Variants in C10orf143 observed in about 807,000 individuals in gnomAD.
The protein encoded by C10orf143 is chromosome 10 open reading frame 143.
At chr10:130,046,257 G>C (rs1309224955) in intron 3 of C10orf143, among the ~76,000 whole-genome samples, 1 of 152,014 alleles carries the variant, frequency 6.6e-6, no homozygotes, top group South Asian at 2.1e-4. Flanking sequence ...CACGAGGGAC[G>C]GGACGCGGGG....
In C10orf143 at chr10:130,056,909, TAC is replaced by T. The variant is rs1438239732; in HGVS notation, c.298-20941_298-20940del. Among the ~76,000 whole-genome samples, 4 of 151,036 alleles carry T rather than the reference TAC, an allele frequency of 2.6e-5. No individual in the cohort carries two copies. In the South Asian group the frequency reaches 8.4e-4, roughly 32 times the overall value. On this transcript the variant is annotated intron_variant and NMD_transcript_variant, in intron 3 of 5. Transcript: ENST00000643056. The surrounding 1 kb of genome is among the most constrained non-coding windows in gnomAD (Gnocchi z 4.6). ...CCCGGCCAGTTGCTTTCATTTTTTA[TAC>T]AGAGTCTCACTGTGTCTCCCAGGCT...
chr10:130,075,257 G>A (rs1430128056), intron 3 of C10orf143, among the ~76,000 whole-genome samples: 1 of 152,124 alleles, frequency 6.6e-6, no homozygotes, highest in Non-Finnish European at 1.5e-5. Context: ...CAGATAAAAG[G>A]CAGCGAAGGA....
At chr10:130,053,959 G>C (rs954119120) in intron 3 of C10orf143, among the ~76,000 whole-genome samples, 2 of 152,194 alleles carry the variant, frequency 1.3e-5, no homozygotes, top group Admixed American at 1.3e-4. Flanking sequence ...GAGAGCAAGT[G>C]TGAGCCATCC....
intron 1 of C10orf143, among the ~76,000 whole-genome samples, chr10:130,096,665 G>T: frequency 6.7e-6 from 1 of 148,904 alleles, no homozygotes; most frequent in Non-Finnish European, 1.5e-5. Context: ...GACACAGGGA[G>T]GGGAACATCA....
chr10:130,041,607 T>C (rs1408673578), intron 3 of C10orf143, among the ~76,000 whole-genome samples: 2 of 152,216 alleles, frequency 1.3e-5, no homozygotes, highest in Non-Finnish European at 2.9e-5. Flanking sequence ...ACTTTTGCTG[T>C]AGCCAAAATT....
chr10:130,044,274 C>T (rs951626109), intron 3 of C10orf143, among the ~76,000 whole-genome samples: 5 of 152,044 alleles, frequency 3.3e-5, no homozygotes, highest in Non-Finnish European at 7.4e-5. Context: ...CTGATGGGGG[C>T]CGAGCTGGGA....
In C10orf143 at chr10:130,110,818, G is replaced by A. The variant is rs910445884; in HGVS notation, c.-46C>T. 5.0e-6 allele frequency: 2 copies of A among 398,872 alleles called. No individual in the cohort carries two copies. The highest frequency in any genetic ancestry group is 3.6e-5 in the East Asian group (1 of 28,076). The allele number at this position is 398,872 out of a possible 1,614,324, so 24.7% of individuals were successfully genotyped here. On this transcript the variant is annotated 5_prime_UTR_variant, in exon 1 of 4. Transcript: ENST00000637128. The stretch of plus-strand genomic sequence containing the variant: ...TCCCGGCATCTCAGGCCTGGCCGAG[G>A]CCCGCGCACCACGCCCCCTTCCGCA...
chr10:130,075,018 T>C (rs1480034113), intron 3 of C10orf143, among the ~76,000 whole-genome samples: 1 of 151,492 alleles, frequency 6.6e-6, no homozygotes, highest in East Asian at 1.9e-4. Context: ...TGTCAGGCAA[T>C]AGATTTCAAT....
chr10:130,061,355 A>G (rs1860855839), downstream of C10orf143, among the ~76,000 whole-genome samples: 1 of 152,226 alleles, frequency 6.6e-6, no homozygotes, highest in Non-Finnish European at 1.5e-5. Context: ...TTTAAAAACA[A>G]ATTTGGAAAT....
intron 3 of C10orf143, among the ~76,000 whole-genome samples, chr10:130,048,142 GGGA>G (rs1170043137): frequency 1.3e-5 from 2 of 152,202 alleles, no homozygotes; most frequent in Non-Finnish European, 2.9e-5. Context: ...GAAGCTATCA[GGGA>G]GGAGGAGGCA....
chr10:130,041,454 T>C (rs898778981), intron 3 of C10orf143, among the ~76,000 whole-genome samples: 6 of 152,234 alleles, frequency 3.9e-5, no homozygotes, highest in East Asian at 1.9e-4. Context: ...GAAACTCTTT[T>C]TTCATTGCTA....
In C10orf143 at chr10:130,104,398, T is replaced by G. The variant is rs533810295; in HGVS notation, c.69+6306A>C. Among the ~76,000 whole-genome samples the G allele has an allele frequency of 2.0e-5, 3 of 152,304 alleles. No individual in the cohort carries two copies. In the East Asian group the frequency reaches 5.8e-4, roughly 29 times the overall value. Reference sequence around the variant, plus strand: ...ATCACCTGCAAAGTCACTACAGAGATGGGTCCTGGCTGCTGTGTTTTCCAA... The same window carrying G: ...ATCACCTGCAAAGTCACTACAGAGAGGGGTCCTGGCTGCTGTGTTTTCCAA... On this transcript the variant is annotated intron_variant, in intron 1 of 3. Transcript: ENST00000637128.
rs1449729910 is a variant in C10orf143 at position 130,074,163 on chromosome 10, A to C, written c.297+5403T>G. 2.0e-5 allele frequency among the ~76,000 whole-genome samples: 3 copies of C among 152,212 alleles called. No homozygotes were observed. In the East Asian group the frequency reaches 5.8e-4, roughly 29 times the overall value. On this transcript the variant is annotated intron_variant, in intron 3 of 3. Transcript: ENST00000637128. ...AACACACTGATCAGCCAAAAAGAGC[A>C]GAAAGCAGAGGGGGCTCCAAGCAGA...
chr10:130,045,880 C>T (rs1467699872), intron 3 of C10orf143, among the ~76,000 whole-genome samples: 2 of 152,148 alleles, frequency 1.3e-5, no homozygotes, highest in African/African-American at 2.4e-5. Flanking sequence ...GGGAATCCGT[C>T]GTGTGGAGAA....
chr10:130,040,512 C>T lies in C10orf143; in HGVS notation c.298-4542G>A, dbSNP rs114072769. On this transcript the variant is annotated intron_variant and NMD_transcript_variant, in intron 3 of 5. Transcript: ENST00000643056. ...GCAGCAAGTCTCCTGAGACTCTCCA[C>T]CGCACCCTGCAGCCTCCAGACAGTG... Among the ~76,000 whole-genome samples the T allele has an allele frequency of 8.1e-3, 1,241 of 152,330 alleles. 20 individuals are homozygous for T. The highest frequency in any genetic ancestry group is 0.028 in the African/African-American group (1,156 of 41,576).
chr10:130,040,009 T>G (rs1175729552), intron 3 of C10orf143, among the ~76,000 whole-genome samples: 1 of 152,108 alleles, frequency 6.6e-6, no homozygotes, highest in East Asian at 1.9e-4. Flanking sequence ...TCCATTCTCT[T>G]GGTATCTTAG....
At chr10:130,053,580 C>G (rs889235305) in intron 3 of C10orf143, among the ~76,000 whole-genome samples, 12 of 152,142 alleles carry the variant, frequency 7.9e-5, no homozygotes, top group African/African-American at 2.9e-4. Flanking sequence ...ATATTTCCAC[C>G]GGTGTCAGGA....
At chr10:130,087,041 T>C (rs638998) in intron 1 of C10orf143, among the ~76,000 whole-genome samples, 97,473 of 151,998 alleles carry the variant, frequency 0.64, 31,461 homozygotes, top group Admixed American at 0.73. Flanking sequence ...GCGAGCAGAG[T>C]GTGGGTTCTA....
chr10:130,046,362 G>A (rs1590003308), intron 3 of C10orf143, among the ~76,000 whole-genome samples: 2 of 152,074 alleles, frequency 1.3e-5, no homozygotes, highest in African/African-American at 4.8e-5. Flanking sequence ...CGCCTCCCCC[G>A]GGACCTGCTC....
Sources: gnomAD v4.1 joint callset for allele counts (sites outside exome capture counted in the v4.1 genomes callset) on GRCh38, gnomAD v4.1.1 for gene constraint, Gnocchi (gnomAD v3.1) non-coding constraint, MANE v1.5 for transcripts, NCBI Gene and HGNC (gene_info 2026-07-23, HGNC 2026-07-21) for gene names.